CNTNAP2: variants seen among roughly 807,000 people sequenced by gnomAD.
CNTNAP2 encodes contactin-associated protein-like 2.
In CNTNAP2, 98 loss-of-function variants were observed where a neutral mutation model predicts 155.2. The ratio of observed to expected loss-of-function variants is 0.63; its 90% confidence interval spans 0.54 to 0.75. The LOEUF is 0.75. CNTNAP2 is among the 30% of genes least tolerant of loss of function. The pLI is 0.00. For synonymous variants in CNTNAP2, 651 were observed against 631.2 expected (o/e 1.03, Z -0.47); for missense variants, 1,727 against 1,688.1 (o/e 1.02, Z -0.40).
At chr7:147,969,335 C>T (rs1420168055) in intron 14 of CNTNAP2, among the ~76,000 whole-genome samples, 1 of 152,078 alleles carries the variant, frequency 6.6e-6, no homozygotes, top group Non-Finnish European at 1.5e-5. Context: ...AAGGGATGAG[C>T]CCCCACGCCC....
intron 11 of CNTNAP2, among the ~76,000 whole-genome samples, chr7:147,508,489 C>G (rs148349956): frequency 1.2e-4 from 18 of 152,284 alleles, no homozygotes; most frequent in African/African-American, 3.8e-4. Flanking sequence ...AAAAACCTTG[C>G]AACTCTTGAT....
At chr7:147,419,786 G>A (rs952241424) in intron 10 of CNTNAP2, among the ~76,000 whole-genome samples, 21 of 152,318 alleles carry the variant, frequency 1.4e-4, no homozygotes, top group African/African-American at 4.8e-4. Context: ...TCTGGTCCCA[G>A]ATTTGATCCA....
At chr7:146,708,713 A>G (rs1157138125) in intron 1 of CNTNAP2, among the ~76,000 whole-genome samples, 2 of 129,728 alleles carry the variant, frequency 1.5e-5, no homozygotes, top group Non-Finnish European at 3.1e-5. Flanking sequence ...CTCCTGCCCC[A>G]GCCTCCTGAG....
intron 3 of CNTNAP2, among the ~76,000 whole-genome samples, chr7:146,973,147 G>T (rs1341777515): frequency 6.6e-6 from 1 of 151,998 alleles, no homozygotes; most frequent in Non-Finnish European, 1.5e-5. Context: ...TCCTGCCTCC[G>T]CCTCCTTAGT....
At chr7:147,588,131 A>C (rs1232583324) in intron 12 of CNTNAP2, among the ~76,000 whole-genome samples, 1 of 152,194 alleles carries the variant, frequency 6.6e-6, no homozygotes, top group Non-Finnish European at 1.5e-5. Flanking sequence ...GCTACTTTAT[A>C]AATTATGAAT....
At chr7:146,477,267 T>C (rs62503529) in intron 1 of CNTNAP2, among the ~76,000 whole-genome samples, 7,418 of 152,256 alleles carry the variant, frequency 0.049, 252 homozygotes, top group Non-Finnish European at 0.075. Context: ...TTCATTCAGA[T>C]AGATTATTTT....
chr7:147,697,065 T>G (rs1796171444), intron 13 of CNTNAP2, among the ~76,000 whole-genome samples: 1 of 152,184 alleles, frequency 6.6e-6, no homozygotes. Flanking sequence ...TGACTGAGAA[T>G]TTTTCCAAAT....
intron 1 of CNTNAP2, among the ~76,000 whole-genome samples, chr7:146,689,578 T>C (rs964956800): frequency 6.6e-6 from 1 of 152,160 alleles, no homozygotes; most frequent in Non-Finnish European, 1.5e-5. Context: ...TCTGTCACTC[T>C]CGTTTTATTA....
intron 8 of CNTNAP2, among the ~76,000 whole-genome samples, chr7:147,217,406 T>C (rs1393863327): frequency 2.0e-5 from 3 of 152,062 alleles, no homozygotes; most frequent in Non-Finnish European, 2.9e-5. Context: ...TTTATTAATA[T>C]ACTTATGTGA....
Position 146,116,998 on chromosome 7 carries a change from C to T in CNTNAP2, c.97+25C>T. 6.5e-7 allele frequency: 1 copy of T among 1,541,100 alleles called. No homozygotes were observed. The highest frequency in any genetic ancestry group is 8.8e-7 in the Non-Finnish European group (1 of 1,138,380). On this transcript the variant is annotated intron_variant, in intron 1 of 23. Coordinates refer to ENST00000361727, the MANE Select transcript of CNTNAP2 (RefSeq NM_014141.6). The surrounding 1 kb of genome is among the most constrained non-coding windows in gnomAD (Gnocchi z 5.5). ...CGTAAGTAGCCGTCTCCTCGCTCTGCTCTGGAGCAGTTTCAGTGCGGCATT... is the reference window on the plus strand; with the variant it reads ...CGTAAGTAGCCGTCTCCTCGCTCTGTTCTGGAGCAGTTTCAGTGCGGCATT...
At chr7:147,828,679 A>G (rs1373867931) in intron 13 of CNTNAP2, among the ~76,000 whole-genome samples, 1 of 152,188 alleles carries the variant, frequency 6.6e-6, no homozygotes, top group Non-Finnish European at 1.5e-5. Flanking sequence ...CACTCAGGGA[A>G]GCATCTCTTT....
At chr7:146,689,736 A>C (rs1436131933) in intron 1 of CNTNAP2, among the ~76,000 whole-genome samples, 1 of 152,174 alleles carries the variant, frequency 6.6e-6, no homozygotes, top group African/African-American at 2.4e-5. Context: ...ACACTGAAGA[A>C]TATATTTGGT....
At chr7:147,382,867 T>C (rs1796559476) in intron 9 of CNTNAP2, among the ~76,000 whole-genome samples, 1 of 152,112 alleles carries the variant, frequency 6.6e-6, no homozygotes, top group Non-Finnish European at 1.5e-5. Context: ...CAAAGAAAGA[T>C]AAATTATCAA....
chr7:147,804,746 G>A (rs552993232), intron 13 of CNTNAP2, among the ~76,000 whole-genome samples: 12 of 152,034 alleles, frequency 7.9e-5, no homozygotes, highest in East Asian at 1.9e-4. Flanking sequence ...TAGAGATGGC[G>A]TTTCACCATG....
intron 1 of CNTNAP2, among the ~76,000 whole-genome samples, chr7:146,429,970 T>A (rs1440492207): frequency 6.6e-6 from 1 of 152,158 alleles, no homozygotes; most frequent in Non-Finnish European, 1.5e-5. Flanking sequence ...TGTGCATCTA[T>A]TGAGATAATC....
At chr7:147,615,873 A>C (rs1801281655) in intron 12 of CNTNAP2, among the ~76,000 whole-genome samples, 1 of 152,100 alleles carries the variant, frequency 6.6e-6, no homozygotes, top group South Asian at 2.1e-4. Flanking sequence ...AAGTCCGTTG[A>C]TGACTCTCTT....
intron 16 of CNTNAP2, among the ~76,000 whole-genome samples, chr7:148,134,539 T>A (rs1225715537): frequency 6.6e-6 from 1 of 152,138 alleles, no homozygotes; most frequent in Admixed American, 6.5e-5. Flanking sequence ...CTCTGTTTTT[T>A]AAAAAAATCT....
At chr7:147,326,109 A>G (rs553781657) in intron 9 of CNTNAP2, among the ~76,000 whole-genome samples, 4 of 152,268 alleles carry the variant, frequency 2.6e-5, no homozygotes, top group Middle Eastern at 3.4e-3. Context: ...TATTTTTAGT[A>G]GAGATGGGGT....
At chr7:147,741,353 A>G (rs17417028) in intron 13 of CNTNAP2, among the ~76,000 whole-genome samples, 2,914 of 152,318 alleles carry the variant, frequency 0.019, 45 homozygotes, top group Non-Finnish European at 0.026. Flanking sequence ...GGGTCCTGTA[A>G]AAGACAATTT....
Sources: allele counts gnomAD v4.1 joint callset (sites outside exome capture counted in the v4.1 genomes callset), GRCh38; gene constraint gnomAD v4.1.1; non-coding constraint Gnocchi (gnomAD v3.1); transcripts MANE v1.5; gene names NCBI Gene and HGNC (gene_info 2026-07-23, HGNC 2026-07-21).